SLC8A3: variants seen among roughly 807,000 people sequenced by gnomAD.
The protein encoded by SLC8A3 is sodium/calcium exchanger 3.
Under a neutral mutation model 65.4 loss-of-function variants are expected in SLC8A3, and 37 were observed. The observed-to-expected ratio is 0.57, with a 90% CI of 0.44 to 0.74. The LOEUF is 0.74. Among genes scored for constraint, SLC8A3 ranks in the 30% least tolerant of loss-of-function variants. The pLI is 0.00. For synonymous variants in SLC8A3, 461 were observed against 444.5 expected (o/e 1.04, Z -0.47); for missense variants, 1,112 against 1,172.1 (o/e 0.95, Z 0.75).
intron 2 of SLC8A3, among the ~76,000 whole-genome samples, chr14:70,135,439 T>C (rs1157738968): frequency 1.3e-5 from 2 of 152,206 alleles, no homozygotes; most frequent in African/African-American, 4.8e-5. Flanking sequence ...TATTTTCACT[T>C]CCATGGTTAT....
chr14:70,060,657 C>T (rs778642383), intron 3 of SLC8A3, 179 bp downstream of exon 3: 10 of 736,482 alleles, frequency 1.4e-5, no homozygotes, highest in South Asian at 2.7e-5. Context: ...AGGGTGAGAG[C>T]GAGAATACAG....
chr14:70,067,818 G>A (rs1371880947), intron 2 of SLC8A3, among the ~76,000 whole-genome samples: 2 of 152,180 alleles, frequency 1.3e-5, no homozygotes, highest in African/African-American at 4.8e-5. Flanking sequence ...TGGTTCAAGT[G>A]AGGGTTTTCA....
Position 70,188,736 on chromosome 14 carries a change from G to T in SLC8A3, c.-420C>A, listed in dbSNP as rs940503380. ...GGAATCTACGCCCGGGAGAGGCCCG[G>T]AGTCCCGGCCGCGGGCGGCGGGGGA... is the stretch of plus-strand genomic sequence containing the variant. On this transcript the variant is annotated 5_prime_UTR_variant, in exon 1 of 7. Transcript: ENST00000356921. The T allele has an allele frequency of 6.6e-6, 1 of 152,192 alleles. No individual in the cohort carries two copies. Among genetic ancestry groups the T allele is most frequent in the African/African-American group, 2.4e-5 (1 of 41,458 alleles). The allele number at this position is 152,192 out of a possible 1,614,324, so 9.4% of individuals were successfully genotyped here. A position where few individuals can be genotyped will look rare whatever the true frequency, so the allele number is the denominator to read the frequency against.
At position 70,167,000 on chromosome 14, in the gene SLC8A3, C is replaced by T. The variant is rs1301853428; in HGVS notation, c.1423G>A (p.Glu475Lys). Residue 475 changes from glutamate (E) to lysine (K), a missense_variant, in exon 2 of 7, where the codon GAG becomes AAG. Physicochemically the swap from Glu to Lys is moderately conservative, Grantham distance 56. Transcript: ENST00000356921. The part of the protein sequence containing the change: ...SVGIIDDDIF[E>K]EDEHFFVRLS... ...CTTACAAAGAAGTGTTCATCCTCCT[C>T]AAAAATGTCGTCATCAATTATGCCC... is the stretch of plus-strand genomic sequence containing the variant. 4 of 1,613,970 alleles carry T rather than the reference C, an allele frequency of 2.5e-6. No homozygotes were observed. In the African/African-American group the frequency reaches 4.0e-5, roughly 16 times the overall value.
chr14:70,122,591 G>A (rs1008290956), intron 2 of SLC8A3, among the ~76,000 whole-genome samples: 89 of 152,292 alleles, frequency 5.8e-4, no homozygotes, highest in Non-Finnish European at 2.2e-4. Flanking sequence ...CATATCTTGT[G>A]ATATATTGCA....
intron 2 of SLC8A3, among the ~76,000 whole-genome samples, chr14:70,126,092 T>C (rs1010081127): frequency 6.6e-6 from 1 of 152,326 alleles, no homozygotes; most frequent in South Asian, 2.1e-4. Flanking sequence ...GTCCAGCTCT[T>C]ACCTTGGGGG....
chr14:70,188,386 T>G lies in SLC8A3; in HGVS notation c.-70A>C, dbSNP rs1281177588. On this transcript the variant is annotated 5_prime_UTR_variant, in exon 1 of 7. Transcript: ENST00000356921. ...GCTCACCCCATTACTCACCGTTTCC[T>G]CTCGGCCTCCCGAGCGGAGTGGGCA... The G allele has an allele frequency of 6.6e-6, 1 of 152,158 alleles. No homozygotes were observed. Among genetic ancestry groups the G allele is most frequent in the African/African-American group, 2.4e-5 (1 of 41,440 alleles). 9.4% of individuals were successfully genotyped at this position (152,158 alleles called of 1,614,324 possible). A position where few individuals can be genotyped will look rare whatever the true frequency, so the allele number is the denominator to read the frequency against.
At chr14:70,109,457 A>G (rs1012973989) in intron 2 of SLC8A3, among the ~76,000 whole-genome samples, 29 of 147,836 alleles carry the variant, frequency 2.0e-4, no homozygotes, top group African/African-American at 3.9e-4. Context: ...GTGTGTGTAT[A>G]TATATATATA....
chr14:70,162,728 T>C (rs961978251), intron 2 of SLC8A3, among the ~76,000 whole-genome samples: 2 of 152,234 alleles, frequency 1.3e-5, no homozygotes, highest in Non-Finnish European at 2.9e-5. Context: ...TTAAAGGCCA[T>C]AATTCTCAAG....
At chr14:70,054,153 T>C (rs1018599788) in intron 3 of SLC8A3, among the ~76,000 whole-genome samples, 6 of 152,038 alleles carry the variant, frequency 3.9e-5, no homozygotes, top group African/African-American at 1.5e-4. Flanking sequence ...TGAACAAATA[T>C]TGGAAGGACA....
At chr14:70,075,102 A>T (rs1890365147) in intron 2 of SLC8A3, among the ~76,000 whole-genome samples, 1 of 152,028 alleles carries the variant, frequency 6.6e-6, no homozygotes, top group Admixed American at 6.6e-5. Flanking sequence ...TGGAAACTGC[A>T]GGTCTCCTTC....
intron 2 of SLC8A3, among the ~76,000 whole-genome samples, chr14:70,109,775 T>C (rs1893152044): frequency 6.6e-6 from 1 of 152,100 alleles, no homozygotes; most frequent in Admixed American, 6.5e-5. Flanking sequence ...TATTTTAAAA[T>C]AAAAAATAAG....
chr14:70,058,035 CTCCCTTTTTTCCT>C (rs956020394), intron 3 of SLC8A3, among the ~76,000 whole-genome samples: 1 of 152,206 alleles, frequency 6.6e-6, no homozygotes, highest in Non-Finnish European at 1.5e-5. Context: ...CCTATTCAGT[CTCCCTTTTTTCCT>C]TCCCTTTTTT....
intron 1 of SLC8A3, among the ~76,000 whole-genome samples, chr14:70,186,662 T>G (rs956299292): frequency 1.3e-5 from 2 of 152,178 alleles, no homozygotes; most frequent in Admixed American, 1.3e-4. Flanking sequence ...GACTTGTGTG[T>G]GGGGACTGCT....
intron 2 of SLC8A3, among the ~76,000 whole-genome samples, chr14:70,144,863 C>A (rs1895829578): frequency 6.6e-6 from 1 of 152,140 alleles, no homozygotes; most frequent in African/African-American, 2.4e-5. Context: ...CTGTGAACTC[C>A]ATGAATTTCA....
At chr14:70,122,604 G>A (rs1046414331) in intron 2 of SLC8A3, among the ~76,000 whole-genome samples, 1 of 152,198 alleles carries the variant, frequency 6.6e-6, no homozygotes, top group Non-Finnish European at 1.5e-5. Context: ...ATATTGCATG[G>A]ATGGCGCTTA....
Position 70,174,651 on chromosome 14 carries a change from G to GGTTTTTTTTTTTTTTTTTTTTTTTT in SLC8A3, c.-62-6168_-62-6167insAAAAAAAAAAAAAAAAAAAAAAAAC, listed in dbSNP as rs1555385182. On this transcript the variant is annotated intron_variant, in intron 1 of 6. Transcript: ENST00000356921. ...CCAAAAAGCCCCTTGGACCAAATCC[G>GGTTTTTTTTTTTTTTTTTTTTTTTT]TTTTTTTTTTGTTTTTTTTTTTTTT... Among the ~76,000 whole-genome samples, 2 of 90,364 alleles carry GGTTTTTTTTTTTTTTTTTTTTTTTT rather than the reference G, an allele frequency of 2.2e-5. 1 individual carries two copies. The highest frequency in any genetic ancestry group is 9.9e-5 in the African/African-American group (2 of 20,228). 59.3% of individuals were successfully genotyped at this position (90,364 alleles called of 152,430 possible). A position where few individuals can be genotyped will look rare whatever the true frequency, so the allele number is the denominator to read the frequency against.
Position 70,167,631 on chromosome 14 carries a change from C to G in SLC8A3, c.792G>C (p.Lys264Asn). 1 of 1,614,158 alleles carries G rather than the reference C, an allele frequency of 6.2e-7. No homozygotes were observed. The highest frequency in any genetic ancestry group is 1.1e-5 in the South Asian group (1 of 91,082). Residue 264 changes from lysine (K) to asparagine (N), a missense_variant, in exon 2 of 7, where the codon AAG becomes AAC. Coordinates refer to ENST00000356921, the MANE Select transcript of SLC8A3 (RefSeq NM_182932.3). Reference sequence around the variant, plus strand: ...TTCCTCGGTGTTTGTCTGTGCGGTACTTTTTGTGCATGTATTTGTAGAAGA... The same window carrying G: ...TTCCTCGGTGTTTGTCTGTGCGGTAGTTTTTGTGCATGTATTTGTAGAAGA... ...RLLFYKYMHK[K>N]YRTDKHRGII...
intron 2 of SLC8A3, among the ~76,000 whole-genome samples, chr14:70,137,436 C>A (rs1184491360): frequency 6.6e-6 from 1 of 152,134 alleles, no homozygotes; most frequent in Non-Finnish European, 1.5e-5. Context: ...AGCCACCGTG[C>A]CAAGCCTATC....
Sources: allele counts gnomAD v4.1 joint callset (sites outside exome capture counted in the v4.1 genomes callset), GRCh38; gene constraint gnomAD v4.1.1; transcripts MANE v1.5; gene names NCBI Gene and HGNC (gene_info 2026-07-23, HGNC 2026-07-21).